The following AHCYL2 variants were observed in gnomAD, a reference collection of about 807,000 sequenced individuals.
AHCYL2 encodes S-adenosylhomocysteine hydrolase-like protein 2.
In AHCYL2, 28 loss-of-function variants were observed where a neutral mutation model predicts 81.4. That is an observed-to-expected ratio of 0.34 (90% confidence interval 0.25 to 0.47). The LOEUF is 0.47. Ranked by LOEUF, AHCYL2 falls within the 20% of genes least tolerant of loss-of-function variation. The pLI is 1.00. For synonymous variants in AHCYL2, 272 were observed against 290.2 expected, an observed-to-expected ratio of 0.94 and a Z score of 0.64; for missense variants, 551 against 785.1, an observed-to-expected ratio of 0.70 and a Z score of 3.56.
At chr7:129,315,769 G>A (rs1797808117) in intron 1 of AHCYL2, among the ~76,000 whole-genome samples, 1 of 152,160 alleles carries the variant, frequency 6.6e-6, no homozygotes, top group Non-Finnish European at 1.5e-5. Context: ...CGAAGGAGGA[G>A]ATAGGTTTGA....
intron 1 of AHCYL2, among the ~76,000 whole-genome samples, chr7:129,264,211 C>T (rs1330029268): frequency 4.6e-5 from 7 of 152,028 alleles, no homozygotes; most frequent in South Asian, 2.1e-4. Context: ...TTAGTAGAGA[C>T]GGGGTTTCAC....
intron 1 of AHCYL2, among the ~76,000 whole-genome samples, chr7:129,226,565 T>G (rs147486903): frequency 3.3e-5 from 5 of 152,336 alleles, no homozygotes; most frequent in Admixed American, 1.3e-4. Flanking sequence ...GTGCATTGGT[T>G]TTACTGTGTG....
intron 5 of AHCYL2, among the ~76,000 whole-genome samples, chr7:129,399,362 G>A (rs912552526): frequency 1.3e-5 from 2 of 150,732 alleles, no homozygotes; most frequent in East Asian, 2.0e-4. Flanking sequence ...CAGGAGAATC[G>A]CTTGAACCCA....
intron 7 of AHCYL2, among the ~76,000 whole-genome samples, chr7:129,403,899 C>A (rs1170700748): frequency 0.014 from 1,880 of 134,260 alleles, 30 homozygotes; most frequent in Admixed American, 0.029. Flanking sequence ...AAATTGGAGC[C>A]TGCTATGAGG....
chr7:129,286,587 A>C (rs955398240), intron 1 of AHCYL2, among the ~76,000 whole-genome samples: 2 of 152,000 alleles, frequency 1.3e-5, no homozygotes, highest in Non-Finnish European at 2.9e-5. Context: ...CAGCCTCCCG[A>C]GTAGCTGGGA....
rs140379751 is a variant in AHCYL2 at position 129,399,191 on chromosome 7, G to A, written c.824-1099G>A. On this transcript the variant is annotated intron_variant, in intron 5 of 16. Transcript: ENST00000325006. Reference sequence around the variant, plus strand: ...AGGCCAGGCGCGGTGGCTCACACCTGTAATCCCAGCACTTTGGGAGCCTGA... The same window carrying A: ...AGGCCAGGCGCGGTGGCTCACACCTATAATCCCAGCACTTTGGGAGCCTGA... Among the ~76,000 whole-genome samples the A allele has an allele frequency of 5.0e-5, 7 of 140,646 alleles. No individual in the cohort carries two copies. The East Asian group carries it at 1.3e-3, about 27-fold the overall frequency. 92.3% of individuals were successfully genotyped at this position (140,646 alleles called of 152,430 possible).
At chr7:129,392,708 T>C (rs1240231984) in intron 4 of AHCYL2, among the ~76,000 whole-genome samples, 1 of 152,256 alleles carries the variant, frequency 6.6e-6, no homozygotes, top group East Asian at 1.9e-4. Flanking sequence ...TGATTCATTA[T>C]TACCATCCAA....
intron 1 of AHCYL2, among the ~76,000 whole-genome samples, chr7:129,294,614 C>A (rs1359026855): frequency 6.6e-6 from 1 of 152,190 alleles, no homozygotes; most frequent in African/African-American, 2.4e-5. Context: ...AAATATCTCT[C>A]TTTCTACTAC....
At chr7:129,311,884 G>T (rs889671721) in intron 1 of AHCYL2, among the ~76,000 whole-genome samples, 2 of 152,160 alleles carry the variant, frequency 1.3e-5, no homozygotes, top group African/African-American at 4.8e-5. Flanking sequence ...GGCTTCTCAT[G>T]TCATGGATAA....
chr7:129,238,092 C>T (rs558031659), intron 1 of AHCYL2, among the ~76,000 whole-genome samples: 3 of 152,172 alleles, frequency 2.0e-5, no homozygotes, highest in East Asian at 3.9e-4. Flanking sequence ...AAATTTTTCC[C>T]GGGTTAGGTA....
intron 5 of AHCYL2, among the ~76,000 whole-genome samples, chr7:129,398,356 T>TTTTTTA (rs139053061): frequency 2.7e-5 from 4 of 149,224 alleles, no homozygotes; most frequent in Non-Finnish European, 4.4e-5. Context: ...TTAATTTTTA[T>TTTTTTA]TTTTTATTTT....
chr7:129,368,492 A>G lies in AHCYL2; in HGVS notation c.364-11146A>G. 3.7e-6 allele frequency: 6 copies of G among 1,613,996 alleles called. No individual in the cohort carries two copies. The South Asian group carries it at 6.6e-5, about 18-fold the overall frequency. ...CAGGACATATCTTACCCAAGCCTGC[A>G]CTATGGAGAAGTGGGACGGTAATGA... On this transcript the variant is annotated intron_variant, in intron 1 of 16. Transcript: ENST00000325006. The surrounding 1 kb of genome is among the most constrained non-coding windows in gnomAD (Gnocchi z 4.4).
chr7:129,394,608 G>A (rs1303539816), intron 4 of AHCYL2, among the ~76,000 whole-genome samples: 1 of 151,908 alleles, frequency 6.6e-6, no homozygotes, highest in Admixed American at 6.6e-5. Context: ...GCACCAAGCA[G>A]CTAATTTTGT....
intron 1 of AHCYL2, among the ~76,000 whole-genome samples, chr7:129,334,489 C>T (rs1798526200): frequency 6.6e-6 from 1 of 152,148 alleles, no homozygotes; most frequent in Non-Finnish European, 1.5e-5. Flanking sequence ...TTACTGTCGA[C>T]AGACGATAGC....
chr7:129,230,744 T>A (rs1471871914), intron 1 of AHCYL2, among the ~76,000 whole-genome samples: 1 of 151,282 alleles, frequency 6.6e-6, no homozygotes, highest in Non-Finnish European at 1.5e-5. Flanking sequence ...GGCTAATTTT[T>A]GTATTTTTAG....
Position 129,369,038 on chromosome 7 carries a change from T to TC in AHCYL2, c.364-10593dup, listed in dbSNP as rs1161517857. Among the ~76,000 whole-genome samples, 14 of 152,024 alleles carry TC rather than the reference T, an allele frequency of 9.2e-5. No homozygotes were observed. In the East Asian group the frequency reaches 1.7e-3, roughly 19 times the overall value. ...CCTTCAGTCACAACATTTCCCTATT[T>TC]CCCCCCCAGCTATCCTTTATATATA... On this transcript the variant is annotated intron_variant, in intron 1 of 16. Transcript: ENST00000325006.
At chr7:129,346,377 G>A (rs578009651) in intron 1 of AHCYL2, among the ~76,000 whole-genome samples, 44 of 152,166 alleles carry the variant, frequency 2.9e-4, no homozygotes, top group African/African-American at 1.1e-3. Context: ...GAAAATATTT[G>A]CATAAGACCT....
intron 2 of AHCYL2, 22 bp from the exon 3 acceptor site, chr7:129,389,034 G>GT: frequency 4.4e-6 from 7 of 1,584,804 alleles, no homozygotes; most frequent in Non-Finnish European, 6.0e-6. Context: ...TTTTCCGAGT[G>GT]TTTTTTATTC....
At chr7:129,376,305 T>A (rs1173604169) in intron 1 of AHCYL2, among the ~76,000 whole-genome samples, 2 of 152,214 alleles carry the variant, frequency 1.3e-5, no homozygotes, top group African/African-American at 4.8e-5. Flanking sequence ...ACTTAACTCA[T>A]GTTCTGGTCG....
Sources: allele counts gnomAD v4.1 joint callset (sites outside exome capture counted in the v4.1 genomes callset), GRCh38; gene constraint gnomAD v4.1.1; non-coding constraint Gnocchi (gnomAD v3.1); transcripts MANE v1.5; gene names NCBI Gene and HGNC (gene_info 2026-07-23, HGNC 2026-07-21).